AUH: variants seen among roughly 807,000 people sequenced by gnomAD.
The protein encoded by AUH is methylglutaconyl-CoA hydratase, mitochondrial.
A neutral mutation model predicts 42.3 loss-of-function variants in AUH; 29 were observed. The ratio of observed to expected loss-of-function variants is 0.69; its 90% CI spans 0.51 to 0.93. AUH has a LOEUF of 0.93. AUH is among the 40% of genes least tolerant of loss of function. AUH has a pLI of 0.00. For synonymous variants in AUH, 174 were observed against 166.4 expected (o/e 1.05, Z -0.35); for missense variants, 452 against 438.1 (o/e 1.03, Z -0.28).
intron 6 of AUH, among the ~76,000 whole-genome samples, chr9:91,273,156 A>G (rs1344210321): frequency 6.6e-6 from 1 of 152,306 alleles, no homozygotes; most frequent in Non-Finnish European, 1.5e-5. Flanking sequence ...TGAAGCCCCA[A>G]GCCACACCCG....
intron 1 of AUH, among the ~76,000 whole-genome samples, chr9:91,357,689 T>C (rs890990390): frequency 1.7e-4 from 26 of 152,290 alleles, no homozygotes; most frequent in Middle Eastern, 3.4e-3. Flanking sequence ...CCCCAGACAG[T>C]GAAGGTTAGA....
chr9:91,336,121 GA>G (rs1465687125), intron 3 of AUH, among the ~76,000 whole-genome samples: 10 of 151,924 alleles, frequency 6.6e-5, no homozygotes, highest in Non-Finnish European at 1.3e-4. Context: ...AAATAATAGT[GA>G]AAAAACAACT....
At chr9:91,314,949 A>G (rs572976134) in intron 4 of AUH, among the ~76,000 whole-genome samples, 6 of 152,146 alleles carry the variant, frequency 3.9e-5, no homozygotes, top group Non-Finnish European at 7.4e-5. Context: ...TTTGAGACGG[A>G]GTCTCACTCT....
At chr9:91,322,414 A>G (rs1428781611) in intron 4 of AUH, among the ~76,000 whole-genome samples, 1 of 152,254 alleles carries the variant, frequency 6.6e-6, no homozygotes, top group Non-Finnish European at 1.5e-5. Flanking sequence ...CAGAAGGTAC[A>G]TAAACATGAG....
At chr9:91,218,874 C>T (rs1826971148) in intron 7 of AUH, 1 of 985,336 alleles carries the variant, frequency 1.0e-6, no homozygotes, top group African/African-American at 1.7e-5. Context: ...CATTTGGTGA[C>T]TCGTGCATGT....
chr9:91,327,886 T>C (rs936375692), intron 3 of AUH, among the ~76,000 whole-genome samples: 13 of 152,214 alleles, frequency 8.5e-5, no homozygotes, highest in African/African-American at 2.4e-4. Flanking sequence ...CACATTCCCC[T>C]TGTCTAGACA....
chr9:91,307,727 T>C (rs1828341552), intron 4 of AUH, among the ~76,000 whole-genome samples: 1 of 152,212 alleles, frequency 6.6e-6, no homozygotes, highest in Non-Finnish European at 1.5e-5. Context: ...ATGCCTAATT[T>C]ACAAATTAAA....
In AUH at chr9:91,220,919, G is replaced by C. The variant is rs146636009; in HGVS notation, c.729C>G (p.Leu243=). 1 of 1,614,198 alleles carries C rather than the reference G, an allele frequency of 6.2e-7. No individual in the cohort carries two copies. Among genetic ancestry groups the C allele is most frequent in the East Asian group, 2.2e-5 (1 of 44,878 alleles). ...CCACTGCTTTGGCTTCTTTGCCATC[G>C]AGGACTCGCGCAGAGAATATGAGCT... is the stretch of plus-strand genomic sequence containing the variant. ...AKELIFSARV[L]DGKEAKAVGL... The change falls in exon 7 of 10, where the codon CTC becomes CTG. Residue 243 remains leucine (L), a synonymous_variant. Transcript: ENST00000375731.
intron 6 of AUH, among the ~76,000 whole-genome samples, chr9:91,251,206 G>C (rs76752209): frequency 6.6e-5 from 10 of 152,166 alleles, no homozygotes; most frequent in African/African-American, 2.4e-4. Flanking sequence ...CTCCTTGCCA[G>C]TCCCCTCTAG....
chr9:91,279,656 G>A (rs2131556303), intron 6 of AUH, among the ~76,000 whole-genome samples: 1 of 152,278 alleles, frequency 6.6e-6, no homozygotes, highest in East Asian at 1.9e-4. Flanking sequence ...TCATCACCAA[G>A]GGGACGGTGC....
At chr9:91,333,447 A>G (rs980585061) in intron 3 of AUH, among the ~76,000 whole-genome samples, 1 of 152,220 alleles carries the variant, frequency 6.6e-6, no homozygotes, top group Non-Finnish European at 1.5e-5. Flanking sequence ...TTTTCATTAC[A>G]AGTATTATTA....
At chr9:91,217,607 T>G (rs925706050) in intron 7 of AUH, among the ~76,000 whole-genome samples, 15 of 152,202 alleles carry the variant, frequency 9.9e-5, no homozygotes, top group Non-Finnish European at 2.1e-4. Context: ...GTGAGCTTGC[T>G]GTTCTTCAGC....
rs140810123 is a variant in AUH at position 91,356,005 on chromosome 9, G to GAA, written c.331-37_331-36dup. On this transcript the variant is annotated intron_variant, in intron 2 of 9. Coordinates refer to ENST00000375731, the MANE Select transcript of AUH (RefSeq NM_001698.3). ...AATAGGAAGCATAGGAGGAAAAAGA[G>GAA]AAAAAAAAAACAAAACATTTTTACA... 319 of 1,364,650 alleles carry GAA rather than the reference G, an allele frequency of 2.3e-4. No individual in the cohort carries two copies. The East Asian group carries it at 3.9e-3, about 17-fold the overall frequency. The allele number at this position is 1,364,650 out of a possible 1,614,324, so 84.5% of individuals were successfully genotyped here. A position where few individuals can be genotyped will look rare whatever the true frequency, so the allele number is the denominator to read the frequency against.
chr9:91,234,537 C>A (rs1263890552), intron 6 of AUH, among the ~76,000 whole-genome samples: 1 of 152,060 alleles, frequency 6.6e-6, no homozygotes. Flanking sequence ...AAAGACGAAT[C>A]ATACAATAAT....
intron 6 of AUH, among the ~76,000 whole-genome samples, chr9:91,241,659 G>A (rs1265694913): frequency 6.6e-6 from 1 of 152,072 alleles, no homozygotes; most frequent in African/African-American, 2.4e-5. Context: ...ATTTGCCAGA[G>A]ATATAATGTT....
rs3086090 is a variant in AUH at position 91,214,646 on chromosome 9, GTTA to G, written c.943-224_943-222del. ...TTCTAGTTTCCTAATAAGGTGGAAG[GTTA>G]TTATCGATTTAGATATTTTCTCTTT... is the stretch of plus-strand genomic sequence containing the variant. On this transcript the variant is annotated intron_variant, in intron 9 of 9. Transcript: ENST00000375731. 0.032 allele frequency among the ~76,000 whole-genome samples: 4,796 copies of G among 152,126 alleles called. 264 individuals carry two copies. Among genetic ancestry groups the G allele is most frequent in the African/African-American group, 0.11 (4,546 of 41,498 alleles).
intron 6 of AUH, among the ~76,000 whole-genome samples, chr9:91,231,999 A>G (rs907157225): frequency 6.6e-6 from 1 of 152,230 alleles, no homozygotes; most frequent in Non-Finnish European, 1.5e-5. Context: ...ATGATTTTGA[A>G]TGTTCTTACC....
rs1564075054 is a variant in AUH, at chr9:91,296,062, A to AT, written c.613dup (p.Met205AsnfsTer5). On this transcript the variant is annotated frameshift_variant, in exon 6 of 10. Transcript: ENST00000375731. LOFTEE classifies it high-confidence loss of function. ...CGCCAATTTTGTTTCAACCAGGCCC[A>AT]TTTTTGCAGAGGAAGCTAAAACGAA... is the stretch of plus-strand genomic sequence containing the variant. The AT allele has an allele frequency of 6.8e-6, 11 of 1,614,076 alleles. No individual in the cohort carries two copies. Among genetic ancestry groups the AT allele is most frequent in the Non-Finnish European group, 8.5e-6 (10 of 1,179,982 alleles).
intron 6 of AUH, among the ~76,000 whole-genome samples, chr9:91,281,753 C>T (rs1211669081): frequency 6.6e-6 from 1 of 152,096 alleles, no homozygotes; most frequent in African/African-American, 2.4e-5. Flanking sequence ...ATTCTTTTGG[C>T]TCCATCTTCA....
Sources: allele counts gnomAD v4.1 joint callset (sites outside exome capture counted in the v4.1 genomes callset), GRCh38; gene constraint gnomAD v4.1.1; transcripts MANE v1.5; gene names NCBI Gene and HGNC (gene_info 2026-07-23, HGNC 2026-07-21).